Variants in NFYC observed in about 807,000 individuals in gnomAD.
NFYC encodes nuclear transcription factor Y subunit gamma, also known as CAAT box DNA-binding protein subunit C.
In NFYC, 25 loss-of-function variants were observed where a neutral mutation model predicts 53.1. The ratio of observed to expected loss-of-function variants is 0.47; its 90% confidence interval spans 0.34 to 0.66. NFYC has a LOEUF of 0.66. Among genes scored for constraint, NFYC ranks in the 30% least tolerant of loss-of-function variants. The probability of loss-of-function intolerance (pLI) is 0.01; values close to 1 mark genes in which losing one functional copy is unlikely to be tolerated. For synonymous variants in NFYC, 145 were observed against 152.6 expected (o/e 0.95, Z 0.37); for missense variants, 260 against 422.7 (o/e 0.62, Z 3.38).
intron 1 of NFYC, among the ~76,000 whole-genome samples, chr1:40,719,173 G>A (rs1183771615): frequency 6.6e-6 from 1 of 152,146 alleles, no homozygotes; most frequent in African/African-American, 2.4e-5. Context: ...CTGGCCCATG[G>A]TGTTCTTAAA....
intron 7 of NFYC, among the ~76,000 whole-genome samples, chr1:40,765,222 T>C (rs1434165655): frequency 9.9e-5 from 15 of 152,238 alleles, no homozygotes; most frequent in Admixed American, 9.8e-4. Context: ...CAGCAGCTTC[T>C]CTTGGCATAT....
intron 5 of NFYC, among the ~76,000 whole-genome samples, chr1:40,756,142 A>G (rs1259191135): frequency 2.0e-5 from 3 of 152,220 alleles, no homozygotes; most frequent in Non-Finnish European, 4.4e-5. Context: ...TCAGTGGAAC[A>G]CAAGTACCTT....
chr1:40,718,007 T>C (rs2148479599), intron 1 of NFYC, among the ~76,000 whole-genome samples: 1 of 152,348 alleles, frequency 6.6e-6, no homozygotes, highest in East Asian at 1.9e-4. Flanking sequence ...GTAATTATCC[T>C]CAATCTAAAA....
At chr1:40,705,431 G>A (rs1380435643) in intron 1 of NFYC, among the ~76,000 whole-genome samples, 1 of 152,200 alleles carries the variant, frequency 6.6e-6, no homozygotes, top group East Asian at 1.9e-4. Context: ...TAGCTATTCA[G>A]AATCTGTAAT....
At chr1:40,741,504 GAAC>G (rs1049302741) in intron 2 of NFYC, among the ~76,000 whole-genome samples, 9 of 152,076 alleles carry the variant, frequency 5.9e-5, no homozygotes, top group Non-Finnish European at 1.3e-4. Flanking sequence ...ATTGTAAGTA[GAAC>G]AACATCTGTA....
At chr1:40,694,394 TTAA>T (rs1455603967) in intron 1 of NFYC, among the ~76,000 whole-genome samples, 1 of 152,250 alleles carries the variant, frequency 6.6e-6, no homozygotes, top group Non-Finnish European at 1.5e-5. Flanking sequence ...GTTGGAAATC[TTAA>T]TTGCTTTATG....
At chr1:40,694,610 A>G (rs1002575638) in intron 1 of NFYC, among the ~76,000 whole-genome samples, 5 of 152,182 alleles carry the variant, frequency 3.3e-5, no homozygotes, top group African/African-American at 1.2e-4. Flanking sequence ...GTTTTTAGTA[A>G]GACTAGACAA....
intron 1 of NFYC, among the ~76,000 whole-genome samples, chr1:40,732,492 T>A (rs1644818463): frequency 6.6e-6 from 1 of 152,178 alleles, no homozygotes. Context: ...ACTTCTGAAG[T>A]TTCATTTTTT....
chr1:40,694,531 C>T (rs1223566780), intron 1 of NFYC, among the ~76,000 whole-genome samples: 2 of 152,194 alleles, frequency 1.3e-5, no homozygotes, highest in African/African-American at 4.8e-5. Flanking sequence ...TTGGTCATTT[C>T]AGCCTCATTT....
At position 40,770,185 on chromosome 1, in the gene NFYC, G is replaced by C. The variant is rs1179193240; in HGVS notation, c.889-524G>C. The C allele has an allele frequency of 3.4e-6, 2 of 589,644 alleles. No homozygotes were observed. The highest frequency in any genetic ancestry group is 3.0e-6 in the Non-Finnish European group (1 of 335,304). The allele number at this position is 589,644 out of a possible 1,614,324, so 36.5% of individuals were successfully genotyped here. On this transcript the variant is annotated intron_variant, in intron 9 of 9. Transcript: ENST00000447388. This position sits in a 1 kb window ranked among gnomAD's most constrained non-coding sequence, Gnocchi z 5.3. ...CCACCCCTGGAGCGTCTTGGCTATA[G>C]TTAAGTGTTTAATACCAGGCCACCT...
chr1:40,766,284 T>A (rs901259551), intron 7 of NFYC: 6 of 264,300 alleles, frequency 2.3e-5, no homozygotes, highest in African/African-American at 1.3e-4. Flanking sequence ...TAAGCTGTGA[T>A]CATGTAGCTA....
At chr1:40,736,966 A>C (rs998320326) in intron 1 of NFYC, among the ~76,000 whole-genome samples, 3 of 151,924 alleles carry the variant, frequency 2.0e-5, no homozygotes, top group Non-Finnish European at 4.4e-5. Flanking sequence ...TCTTTACTAA[A>C]AATATAAAAA....
intron 6 of NFYC, among the ~76,000 whole-genome samples, chr1:40,760,852 G>A (rs976546247): frequency 6.6e-6 from 1 of 152,238 alleles, no homozygotes; most frequent in African/African-American, 2.4e-5. Context: ...GATAATGGCT[G>A]CTCAGTCACT....
chr1:40,705,857 G>A (rs1194567303), intron 1 of NFYC, among the ~76,000 whole-genome samples: 2 of 151,998 alleles, frequency 1.3e-5, no homozygotes, highest in Non-Finnish European at 2.9e-5. Flanking sequence ...GTGATCCTCT[G>A]GTCTCAGCTT....
chr1:40,718,984 G>C lies in NFYC; in HGVS notation c.-8-19852G>C, dbSNP rs1460315295. On this transcript the variant is annotated intron_variant, in intron 1 of 9. Transcript: ENST00000447388. Reference sequence around the variant, plus strand: ...CCTCCCAGGTTCAAGCGATTCTCCTGCCTCAGCCTCCCGAGTAGCTGGGAC... The same window carrying C: ...CCTCCCAGGTTCAAGCGATTCTCCTCCCTCAGCCTCCCGAGTAGCTGGGAC... 2.0e-5 allele frequency among the ~76,000 whole-genome samples: 3 copies of C among 152,154 alleles called. No homozygotes were observed. In the East Asian group the frequency reaches 5.8e-4, roughly 29 times the overall value.
In NFYC at chr1:40,771,172, T is replaced by G. The variant is rs974109618; in HGVS notation, c.*344T>G. 2.3e-5 allele frequency: 8 copies of G among 344,588 alleles called. No individual in the cohort carries two copies. The highest frequency in any genetic ancestry group is 1.3e-4 in the East Asian group (2 of 15,068). 21.3% of individuals were successfully genotyped at this position (344,588 alleles called of 1,614,324 possible). On this transcript the variant is annotated 3_prime_UTR_variant, in exon 10 of 10. Coordinates refer to ENST00000447388, the MANE Select transcript of NFYC (RefSeq NM_014223.5). ...ATTTCTCCTTTTGTTTTTCTTTTTT[T>G]TTTGTTTGTTACTGCCACTTCTTTT...
At chr1:40,696,234 A>G (rs1175349575) in intron 1 of NFYC, among the ~76,000 whole-genome samples, 1 of 152,118 alleles carries the variant, frequency 6.6e-6, no homozygotes, top group East Asian at 1.9e-4. Flanking sequence ...TGTGTTGGCC[A>G]GGCTGGTCTC....
chr1:40,703,986 A>C (rs1332700411), intron 1 of NFYC, among the ~76,000 whole-genome samples: 1 of 152,210 alleles, frequency 6.6e-6, no homozygotes, highest in Non-Finnish European at 1.5e-5. Flanking sequence ...CATTCTCCCA[A>C]CCAAGAGCAA....
At chr1:40,701,597 T>G (rs1325501887) in intron 1 of NFYC, among the ~76,000 whole-genome samples, 2 of 152,224 alleles carry the variant, frequency 1.3e-5, no homozygotes. Flanking sequence ...CTGGGTTAGG[T>G]GCTATGCTTA....
Sources: gnomAD v4.1 joint callset for allele counts (sites outside exome capture counted in the v4.1 genomes callset) on GRCh38, gnomAD v4.1.1 for gene constraint, Gnocchi (gnomAD v3.1) non-coding constraint, MANE v1.5 for transcripts, NCBI Gene and HGNC (gene_info 2026-07-23, HGNC 2026-07-21) for gene names.